The following UTP18 variants were observed in gnomAD, a reference collection of about 807,000 sequenced individuals.
The protein encoded by UTP18 is U3 small nucleolar RNA-associated protein 18 homolog.
Under a neutral mutation model 61.1 loss-of-function variants are expected in UTP18, and 36 were observed. The observed-to-expected ratio is 0.59, with a 90% CI of 0.45 to 0.78. The LOEUF (loss-of-function observed/expected upper bound fraction) is 0.78. UTP18 is among the 30% of genes least tolerant of loss of function. The pLI, the probability that UTP18 is intolerant of heterozygous loss-of-function variation, is 0.00. For synonymous variants in UTP18, 282 were observed against 251.1 expected (o/e 1.12, Z -1.16); for missense variants, 753 against 693.9 (o/e 1.09, Z -0.96).
chr17:51,290,384 C>A (rs1905211696), intron 11 of UTP18, among the ~76,000 whole-genome samples: 1 of 152,216 alleles, frequency 6.6e-6, no homozygotes, highest in Non-Finnish European at 1.5e-5. Flanking sequence ...CCTCTGTACT[C>A]CAGCCTGGGT....
At chr17:51,297,071 A>C in intron 13 of UTP18, 68 bp downstream of exon 13, 3 of 1,347,992 alleles carry the variant, frequency 2.2e-6, no homozygotes, top group Non-Finnish European at 3.1e-6. Context: ...AGTTGGTGGA[A>C]GCAGCACATT....
At chr17:51,263,894 T>G (rs2055533229) in intron 2 of UTP18, among the ~76,000 whole-genome samples, 1 of 152,162 alleles carries the variant, frequency 6.6e-6, no homozygotes, top group Non-Finnish European at 1.5e-5. Flanking sequence ...TTTTGACTTT[T>G]TCTACATAAA....
At chr17:51,261,012 G>T in intron 1 of UTP18, 86 bp downstream of exon 1, 1 of 1,224,908 alleles carries the variant, frequency 8.2e-7, no homozygotes, top group Non-Finnish European at 1.0e-6. Flanking sequence ...GAGCCTGGGC[G>T]ACCTGCGGCG....
At chr17:51,263,102 T>G (rs1196430052) in intron 1 of UTP18, among the ~76,000 whole-genome samples, 172 bp from the exon 2 acceptor site, 1 of 152,264 alleles carries the variant, frequency 6.6e-6, no homozygotes, top group Non-Finnish European at 1.5e-5. Flanking sequence ...TTCTCTGATT[T>G]CTCCATTTTC....
rs765210027 is a variant in UTP18 at position 51,288,152 on chromosome 17, T to A, written c.1452T>A (p.Thr484=). Residue 484 remains threonine (T), a synonymous_variant, in exon 11 of 14, where the codon ACT becomes ACA. Transcript: ENST00000225298. ...TGVTSLTFNP[T]TEILAIASEK... is the part of the protein sequence containing the mutation. ...TTACTTCTCTGACCTTCAATCCTACTACAGAAATCTTGGCAATTGCTTCAG... is the reference window on the plus strand; with the variant it reads ...TTACTTCTCTGACCTTCAATCCTACAACAGAAATCTTGGCAATTGCTTCAG... 1.4e-5 allele frequency: 22 copies of A among 1,603,122 alleles called. 1 individual carries two copies. In the South Asian group the frequency reaches 2.4e-4, roughly 17 times the overall value.
At chr17:51,265,562 C>CCT (rs2055552364) in intron 2 of UTP18, among the ~76,000 whole-genome samples, 3 of 85,564 alleles carry the variant, frequency 3.5e-5, no homozygotes, top group Admixed American at 1.6e-4. Flanking sequence ...CGTGCCCGGC[C>CCT]TTTTTTTTTT....
chr17:51,284,634 G>A (rs534969252), intron 9 of UTP18, among the ~76,000 whole-genome samples: 1 of 152,310 alleles, frequency 6.6e-6, no homozygotes, highest in African/African-American at 2.4e-5. Context: ...ATTTATCTGA[G>A]TGGAACTTAG....
At chr17:51,295,128 A>G (rs187860544) in intron 12 of UTP18, among the ~76,000 whole-genome samples, 238 of 151,968 alleles carry the variant, frequency 1.6e-3, no homozygotes, top group Non-Finnish European at 2.0e-3. Context: ...GGTTGCGACA[A>G]TTTTCTCCCA....
rs1037805295 is a variant in UTP18 at position 51,273,580 on chromosome 17, G to A, written c.711+130G>A. On this transcript the variant is annotated intron_variant, in intron 5 of 13. Coordinates refer to ENST00000225298, the MANE Select transcript of UTP18 (RefSeq NM_016001.3). ...ATATGTTTGCTGTCATTTTGCCCTG[G>A]TAAATACTTATGTTATTGTTTTTTT... 4 of 580,652 alleles carry A rather than the reference G, an allele frequency of 6.9e-6. No individual in the cohort carries two copies. In the Admixed American group the frequency reaches 1.5e-4, roughly 22 times the overall value. The allele number at this position is 580,652 out of a possible 1,614,324, so 36.0% of individuals were successfully genotyped here. A position where few individuals can be genotyped will look rare whatever the true frequency, so the allele number is the denominator to read the frequency against.
rs537645178 is a variant in UTP18, at chr17:51,260,638, G to C, written c.54G>C (p.Lys18Asn). 4 of 1,612,496 alleles carry C rather than the reference G, an allele frequency of 2.5e-6. No homozygotes were observed. The African/African-American group carries it at 4.0e-5, about 16-fold the overall frequency. The change falls in exon 1 of 14, where the codon AAG becomes AAC. Residue 18 changes from lysine (K) to asparagine (N), a missense_variant. Physicochemically the swap from Lys to Asn is moderately conservative, Grantham distance 94. Coordinates refer to ENST00000225298, the MANE Select transcript of UTP18 (RefSeq NM_016001.3). ...AACTGGACCGGAGAACCGGAGCGAA[G>C]CCGAAGCGGAAGCCCGGAATGAGGC... is the stretch of plus-strand genomic sequence containing the variant. ...RMKLDRRTGA[K>N]PKRKPGMRPD...
At chr17:51,297,657 A>G (rs1194135096) in intron 13 of UTP18, 125 bp from the exon 14 acceptor site, 2 of 395,440 alleles carry the variant, frequency 5.1e-6, no homozygotes, top group African/African-American at 2.2e-5. Flanking sequence ...ATTTTGGGCA[A>G]AGCTTTAGCA....
rs556756780 is a variant in UTP18, at chr17:51,297,136, G to A, written c.*14+133G>A. On this transcript the variant is annotated intron_variant, in intron 13 of 13. Coordinates refer to ENST00000225298, the MANE Select transcript of UTP18 (RefSeq NM_016001.3). ...TACTGCATCTTTATTTAGAGGGGTG[G>A]GTTGGAAGTAGATCAGGAACTGTCT... 4 of 737,754 alleles carry A rather than the reference G, an allele frequency of 5.4e-6. No individual in the cohort carries two copies. In the East Asian group the frequency reaches 1.2e-4, roughly 22 times the overall value. The allele number at this position is 737,754 out of a possible 1,614,324, so 45.7% of individuals were successfully genotyped here.
chr17:51,287,249 A>G (rs1905143029), intron 10 of UTP18, among the ~76,000 whole-genome samples: 1 of 152,166 alleles, frequency 6.6e-6, no homozygotes, highest in African/African-American at 2.4e-5. Context: ...TTGATTTCTG[A>G]TGTGCTTGGC....
At chr17:51,278,904 T>C (rs1005096380) in intron 7 of UTP18, among the ~76,000 whole-genome samples, 2 of 152,070 alleles carry the variant, frequency 1.3e-5, no homozygotes, top group Non-Finnish European at 2.9e-5. Context: ...TGAAATAATA[T>C]TGGGGAGCAT....
intron 12 of UTP18, 130 bp from the exon 13 acceptor site, chr17:51,296,835 G>A: frequency 1.2e-6 from 1 of 815,548 alleles, no homozygotes; most frequent in Non-Finnish European, 1.9e-6. Context: ...GAACCTAACT[G>A]CCTGGTGTGA....
In UTP18 at chr17:51,260,887, C is replaced by T. The variant is rs760945069; in HGVS notation, c.303C>T (p.Asn101=). ...LEELVFGDVE[N]DEDALLRRLR... ...AGCTGGTCTTCGGCGACGTCGAGAACGACGAGGACGCGTTGCTGCGGCGTC... is the reference window on the plus strand; with the variant it reads ...AGCTGGTCTTCGGCGACGTCGAGAATGACGAGGACGCGTTGCTGCGGCGTC... Residue 101 remains asparagine, a synonymous_variant, in exon 1 of 14, where the codon AAC becomes AAT. Coordinates refer to ENST00000225298, the MANE Select transcript of UTP18 (RefSeq NM_016001.3). 13 of 1,599,104 alleles carry T rather than the reference C, an allele frequency of 8.1e-6. No homozygotes were observed. The highest frequency in any genetic ancestry group is 1.8e-4 in the Middle Eastern group (1 of 5,456).
chr17:51,263,388 T>C lies in UTP18; in HGVS notation c.455+2T>C. The C allele has an allele frequency of 6.8e-6, 11 of 1,610,178 alleles. No individual in the cohort carries two copies. Among genetic ancestry groups the C allele is most frequent in the Non-Finnish European group, 9.3e-6 (11 of 1,176,626 alleles). ...TGAAGAAGATGAAGATGAGGAAATG[T>C]AAGTTGCCTAACTTTTCTTCTGAAT... On this transcript the variant is annotated splice_donor_variant, in intron 2 of 13. Transcript: ENST00000225298. LOFTEE classifies it high-confidence loss of function.
At chr17:51,284,455 G>A (rs1241977519) in intron 9 of UTP18, among the ~76,000 whole-genome samples, 1 of 151,710 alleles carries the variant, frequency 6.6e-6, no homozygotes, top group African/African-American at 2.4e-5. Flanking sequence ...ATAAATTCCC[G>A]TGTTCTGGAT....
chr17:51,271,918 T>C (rs189193049), intron 4 of UTP18, among the ~76,000 whole-genome samples: 234 of 152,284 alleles, frequency 1.5e-3, no homozygotes, highest in Non-Finnish European at 2.2e-3. Flanking sequence ...TCCACTTGCC[T>C]CGGCCTCCCA....
Sources: gnomAD v4.1 joint callset for allele counts (sites outside exome capture counted in the v4.1 genomes callset) on GRCh38, gnomAD v4.1.1 for gene constraint, MANE v1.5 for transcripts, NCBI Gene and HGNC (gene_info 2026-07-23, HGNC 2026-07-21) for gene names.